The following IL12RB2 variants were observed in gnomAD, a reference collection of about 807,000 sequenced individuals.
The protein encoded by IL12RB2 is interleukin-12 receptor subunit beta-2.
In IL12RB2, 82 loss-of-function variants were observed where a neutral mutation model predicts 89.4. That is an observed-to-expected ratio of 0.92 (90% CI 0.77 to 1.10). The LOEUF (loss-of-function observed/expected upper bound fraction) is 1.10, where lower values mean the gene tolerates loss of function less well. Among genes scored for constraint, IL12RB2 ranks in the 50% least tolerant of loss-of-function variants. IL12RB2 has a pLI of 0.00. For synonymous variants in IL12RB2, 368 were observed against 370.1 expected, an observed-to-expected ratio of 0.99 and a Z score of 0.07; for missense variants, 963 against 1,031.9, an observed-to-expected ratio of 0.93 and a Z score of 0.92.
chr1:67,321,887 G>A lies in IL12RB2; in HGVS notation c.362G>A (p.Gly121Asp). 3 of 1,612,926 alleles carry A rather than the reference G, an allele frequency of 1.9e-6. No homozygotes were observed. The highest frequency in any genetic ancestry group is 2.5e-6 in the Non-Finnish European group (3 of 1,178,914). Residue 121 changes from glycine to aspartate, a missense_variant and splice_region_variant, in exon 4 of 17, where the codon GGT becomes GAT. Physicochemically the swap from Gly to Asp is moderately conservative, Grantham distance 94. Coordinates refer to ENST00000674203, the MANE Select transcript of IL12RB2 (RefSeq NM_001374259.2). ...ATATGTGGAGCAGAGATCTTCGTTG[G>A]TGGTGAGCATTCCATTTTGAATTTT... Reference protein sequence around the residue: ...IQICGAEIFVGVAPEQPQNLS... With the variant: ...IQICGAEIFVDVAPEQPQNLS...
intron 9 of IL12RB2, among the ~76,000 whole-genome samples, chr1:67,340,704 G>C (rs979083115): frequency 3.9e-5 from 6 of 152,254 alleles, no homozygotes; most frequent in African/African-American, 1.4e-4. Flanking sequence ...AGAGTTTATA[G>C]TGGACATCAT....
rs1666419684 is a variant in IL12RB2 at position 67,397,134 on chromosome 1, A to G, written c.*1045A>G. Among the ~76,000 whole-genome samples the G allele has an allele frequency of 1.4e-5, 2 of 142,636 alleles. No individual in the cohort carries two copies. The highest frequency in any genetic ancestry group is 7.0e-5 in the Admixed American group (1 of 14,326). The allele number at this position is 142,636 out of a possible 152,430, so 93.6% of individuals were successfully genotyped here. On this transcript the variant is annotated 3_prime_UTR_variant, in exon 17 of 17. Coordinates refer to ENST00000674203, the MANE Select transcript of IL12RB2 (RefSeq NM_001374259.2). ...AGAGCAAGACTCTGTCTCAAAAAAG[A>G]AAAAAAAAAAAAAGAATGTACCTTT...
In IL12RB2 at chr1:67,367,844, G is replaced by C. The variant is rs2307145; in HGVS notation, c.1278G>C (p.Gln426His). ...ATAAAGGGTTGCTGGCTCCTCGCCA[G>C]GTCTCTGCAAACTCAGAGGGCATGG... ...LCEAGLLAPR[Q>H]VSANSEGMDN... is the part of the protein sequence containing the mutation. The change falls in exon 11 of 17, where the codon CAG becomes CAC. Residue 426 changes from glutamine to histidine, a missense_variant. Gln to His is a conservative substitution (Grantham distance 24). Transcript: ENST00000674203. 70,078 of 1,595,256 alleles carry C rather than the reference G, an allele frequency of 0.044. 1,780 individuals are homozygous for C. Among genetic ancestry groups the C allele is most frequent in the African/African-American group, 0.08 (5,933 of 74,576 alleles).
At chr1:67,386,082 G>A (rs753104555) in intron 14 of IL12RB2, among the ~76,000 whole-genome samples, 5 of 151,862 alleles carry the variant, frequency 3.3e-5, no homozygotes, top group Non-Finnish European at 7.4e-5. Flanking sequence ...GGTGGCACAC[G>A]CCTGTAGTCC....
chr1:67,323,031 G>A (rs968762506), intron 4 of IL12RB2, among the ~76,000 whole-genome samples: 4 of 152,200 alleles, frequency 2.6e-5, no homozygotes, highest in African/African-American at 9.7e-5. Flanking sequence ...GCTCTAGCAG[G>A]CTGGCTGACC....
chr1:67,359,402 G>C (rs1249774678), intron 10 of IL12RB2, among the ~76,000 whole-genome samples: 1 of 152,174 alleles, frequency 6.6e-6, no homozygotes, highest in Non-Finnish European at 1.5e-5. Context: ...TGATGAATGA[G>C]AGATGTAAAT....
At chr1:67,348,583 G>A (rs193103532) in intron 9 of IL12RB2, among the ~76,000 whole-genome samples, 13 of 151,912 alleles carry the variant, frequency 8.6e-5, no homozygotes, top group African/African-American at 2.4e-4. Flanking sequence ...GTTCCTTGAT[G>A]ATATTCCCTT....
At chr1:67,372,871 C>G in intron 13 of IL12RB2, 88 bp downstream of exon 13, 1 of 867,774 alleles carries the variant, frequency 1.2e-6, no homozygotes, top group Non-Finnish European at 2.0e-6. Context: ...CATCTACACA[C>G]ATGTGCTAGC....
At chr1:67,337,003 C>T (rs906489678) in intron 8 of IL12RB2, among the ~76,000 whole-genome samples, 10 of 152,044 alleles carry the variant, frequency 6.6e-5, no homozygotes, top group African/African-American at 1.9e-4. Context: ...GGGAGCTAGC[C>T]GAAGGATGTG....
At chr1:67,341,533 A>AAGAAAAAAG in intron 9 of IL12RB2, among the ~76,000 whole-genome samples, 2 of 21,992 alleles carry the variant, frequency 9.1e-5, no homozygotes, top group African/African-American at 1.5e-4. Context: ...AAGAAAGAGA[A>AAGAAAAAAG]AGAAAGAAAG....
chr1:67,337,506 T>G (rs762120491), intron 8 of IL12RB2, among the ~76,000 whole-genome samples: 9 of 152,216 alleles, frequency 5.9e-5, no homozygotes, highest in Non-Finnish European at 1.2e-4. Context: ...TTATTTAGTC[T>G]CTTTGCAAGT....
chr1:67,372,762 A>T lies in IL12RB2; in HGVS notation c.1696A>T (p.Asn566Tyr). The T allele has an allele frequency of 6.2e-7, 1 of 1,609,152 alleles. No homozygotes were observed. The highest frequency in any genetic ancestry group is 1.1e-5 in the South Asian group (1 of 90,974). ...YRIYWKERDS[N>Y]SQPQLCEIPY... ...GATATACTGGAAGGAACGGGACTCC[A>T]ACTCCCAGCCTCAGCTCTGTGGTAT... The change falls in exon 13 of 17, where the codon AAC becomes TAC. Residue 566 changes from asparagine (N) to tyrosine (Y), a missense_variant. Coordinates refer to ENST00000674203, the MANE Select transcript of IL12RB2 (RefSeq NM_001374259.2).
chr1:67,321,469 G>T, intron 3 of IL12RB2, 133 bp from the exon 4 acceptor site: 1 of 713,206 alleles, frequency 1.4e-6, no homozygotes, highest in South Asian at 1.5e-5. Context: ...TATAACCAGA[G>T]ACATGTAGGT....
At chr1:67,348,119 C>T (rs903442725) in intron 9 of IL12RB2, among the ~76,000 whole-genome samples, 2 of 152,136 alleles carry the variant, frequency 1.3e-5, no homozygotes, top group Admixed American at 1.3e-4. Context: ...CGGGCTCCTC[C>T]GGTTTGCAGT....
chr1:67,322,865 C>T (rs1327354864), intron 4 of IL12RB2, among the ~76,000 whole-genome samples: 1 of 152,220 alleles, frequency 6.6e-6, no homozygotes, highest in Non-Finnish European at 1.5e-5. Flanking sequence ...CACCTACCTG[C>T]AGTTCGCAAC....
At position 67,329,656 on chromosome 1, in the gene IL12RB2, A is replaced by G. The variant is rs1259673097; in HGVS notation, c.734A>G (p.Tyr245Cys). The change falls in exon 7 of 17, where the codon TAT (tyrosine) becomes TGT (cysteine). Residue 245 changes from tyrosine to cysteine, a missense_variant. By Grantham distance (194) the Tyr-to-Cys change is radical. Transcript: ENST00000674203. ...QKASVSRCTL[Y>C]WRDEGLVLLN... ...GCTTCTGTGAGCAGATGTACCCTTT[A>G]TTGGAGAGATGAGGGACTGGTACTG... The G allele has an allele frequency of 3.8e-5, 60 of 1,580,438 alleles. No individual in the cohort carries two copies. The highest frequency in any genetic ancestry group is 5.2e-5 in the Non-Finnish European group (60 of 1,149,212).
At chr1:67,310,209 A>AAC (rs1347951054) in intron 1 of IL12RB2, among the ~76,000 whole-genome samples, 1 of 149,160 alleles carries the variant, frequency 6.7e-6, no homozygotes, top group African/African-American at 2.5e-5. Flanking sequence ...AAAAAAAAAA[A>AAC]GCCAAATCCC....
chr1:67,368,605 C>A (rs1388761640), intron 11 of IL12RB2, among the ~76,000 whole-genome samples: 1 of 152,182 alleles, frequency 6.6e-6, no homozygotes, highest in East Asian at 1.9e-4. Flanking sequence ...TGAGAGAACG[C>A]ATCTGAAAAT....
Position 67,387,998 on chromosome 1 carries a change from T to C in IL12RB2, c.1946+1329T>C, listed in dbSNP as rs561382071. On this transcript the variant is annotated intron_variant, in intron 15 of 16. Coordinates refer to ENST00000674203, the MANE Select transcript of IL12RB2 (RefSeq NM_001374259.2). ...TTCAAGACCAGCCTGGACAGCATGG[T>C]GAAACTCTGTCTCTACTGAAAATAC... 6.6e-5 allele frequency among the ~76,000 whole-genome samples: 10 copies of C among 152,134 alleles called. No homozygotes were observed. The South Asian group carries it at 2.1e-3, about 32-fold the overall frequency.
Sources: allele counts gnomAD v4.1 joint callset (sites outside exome capture counted in the v4.1 genomes callset), GRCh38; gene constraint gnomAD v4.1.1; transcripts MANE v1.5; gene names NCBI Gene and HGNC (gene_info 2026-07-23, HGNC 2026-07-21).